MSH3: variants seen among roughly 807,000 people sequenced by gnomAD.
MSH3 encodes DNA mismatch repair protein Msh3.
Under a neutral mutation model 123.3 loss-of-function variants are expected in MSH3, and 106 were observed. The observed-to-expected ratio is 0.86, with a 90% confidence interval of 0.73 to 1.01. The LOEUF (loss-of-function observed/expected upper bound fraction) is 1.01, where lower values mean the gene tolerates loss of function less well. Ranked by LOEUF, MSH3 falls within the 50% of genes least tolerant of loss-of-function variation. The pLI, the probability that MSH3 is intolerant of heterozygous loss-of-function variation, is 0.00. For synonymous variants in MSH3, 515 were observed against 481.4 expected (o/e 1.07, Z -0.91); for missense variants, 1,459 against 1,347.6 (o/e 1.08, Z -1.29).
intron 12 of MSH3, among the ~76,000 whole-genome samples, chr5:80,751,872 A>T (rs1743845820): frequency 6.6e-6 from 1 of 152,160 alleles, no homozygotes. Flanking sequence ...TGGCACACAT[A>T]GACTGATTAT....
intron 20 of MSH3, among the ~76,000 whole-genome samples, chr5:80,824,148 C>A (rs950368876): frequency 5.3e-5 from 8 of 152,228 alleles, no homozygotes; most frequent in Admixed American, 5.2e-4. Flanking sequence ...CCCACATTTC[C>A]CCCTTTTCTA....
At chr5:80,743,066 C>T (rs1038653882) in intron 11 of MSH3, among the ~76,000 whole-genome samples, 2 of 152,076 alleles carry the variant, frequency 1.3e-5, no homozygotes, top group African/African-American at 4.8e-5. Context: ...CACCGCCCCT[C>T]GCCCACCTTT....
Position 80,741,938 on chromosome 5 carries a change from G to A in MSH3, c.1653+390G>A, listed in dbSNP as rs948792027. 2.7e-3 allele frequency among the ~76,000 whole-genome samples: 4 copies of A among 1,474 alleles called. No individual in the cohort carries two copies. In the African/African-American group the frequency reaches 0.027, roughly 10 times the overall value. The allele number at this position is 1,474 out of a possible 152,430, so 1.0% of individuals were successfully genotyped here. A position where few individuals can be genotyped will look rare whatever the true frequency, so the allele number is the denominator to read the frequency against. On this transcript the variant is annotated intron_variant, in intron 11 of 23. Coordinates refer to ENST00000265081, the MANE Select transcript of MSH3 (RefSeq NM_002439.5). Reference sequence around the variant, plus strand: ...GTTTGCAGTCTTATTTAATTATTCAGGTTATAGGTTTCTGGGATATTCAGT... The same window carrying A: ...GTTTGCAGTCTTATTTAATTATTCAAGTTATAGGTTTCTGGGATATTCAGT...
At chr5:80,865,348 AC>A (rs764723236) in intron 22 of MSH3, among the ~76,000 whole-genome samples, 164 of 152,214 alleles carry the variant, frequency 1.1e-3, no homozygotes, top group Non-Finnish European at 1.5e-3. Context: ...CATTTAACTT[AC>A]TAAGGGCCAT....
At chr5:80,788,597 A>T (rs1744555809) in intron 18 of MSH3, among the ~76,000 whole-genome samples, 2 of 152,064 alleles carry the variant, frequency 1.3e-5, no homozygotes, top group Admixed American at 6.6e-5. Flanking sequence ...CATCTCTTGA[A>T]ACCAGGATTT....
intron 20 of MSH3, among the ~76,000 whole-genome samples, chr5:80,842,405 T>A (rs1745642718): frequency 1.3e-5 from 2 of 152,290 alleles, no homozygotes; most frequent in Middle Eastern, 3.4e-3. Flanking sequence ...TTTGGTTCCA[T>A]ATGAAGTTTA....
chr5:80,663,241 G>T (rs903491905), intron 2 of MSH3, among the ~76,000 whole-genome samples: 2 of 152,158 alleles, frequency 1.3e-5, no homozygotes, highest in Admixed American at 1.3e-4. Flanking sequence ...GGAGTAACTG[G>T]CAAGCTCTGA....
intron 20 of MSH3, among the ~76,000 whole-genome samples, chr5:80,825,483 A>G (rs1745277119): frequency 1.3e-5 from 2 of 152,150 alleles, no homozygotes; most frequent in Non-Finnish European, 2.9e-5. Context: ...TTATGAATAT[A>G]TTACTATTCC....
At chr5:80,664,139 A>T (rs1749510527) in intron 2 of MSH3, among the ~76,000 whole-genome samples, 1 of 152,164 alleles carries the variant, frequency 6.6e-6, no homozygotes, top group Non-Finnish European at 1.5e-5. Context: ...CCACAGGGAG[A>T]TGTGATCTTG....
chr5:80,746,458 G>C, intron 12 of MSH3: 1 of 493,570 alleles, frequency 2.0e-6, no homozygotes, highest in Non-Finnish European at 4.1e-6. Flanking sequence ...GATTGTATTG[G>C]CAACAGTCTT....
intron 22 of MSH3, among the ~76,000 whole-genome samples, chr5:80,872,493 A>G (rs893859245): frequency 2.0e-5 from 3 of 151,238 alleles, no homozygotes; most frequent in Non-Finnish European, 4.4e-5. Flanking sequence ...GAGAAATTAT[A>G]TTGTATCAAC....
At chr5:80,660,655 A>T (rs1472299979) in intron 2 of MSH3, among the ~76,000 whole-genome samples, 1 of 152,164 alleles carries the variant, frequency 6.6e-6, no homozygotes, top group Non-Finnish European at 1.5e-5. Flanking sequence ...TAAGACATCA[A>T]AGGTTTTTTA....
chr5:80,741,542 G>GAA lies in MSH3; in HGVS notation c.1648_1649dup (p.Asn550LysfsTer6), dbSNP rs1580597397. 6.2e-6 allele frequency: 10 copies of GAA among 1,608,448 alleles called. No homozygotes were observed. Among genetic ancestry groups the GAA allele is most frequent in the Non-Finnish European group, 8.5e-6 (10 of 1,174,918 alleles). ...CATTAAGGAATCTGGAAATCCTACAGAATCAGGTCAGGCAAATACAAGGGC... is the reference window on the plus strand; with the variant it reads ...CATTAAGGAATCTGGAAATCCTACAGAAAATCAGGTCAGGCAAATACAAGGGC... On this transcript the variant is annotated frameshift_variant, in exon 11 of 24. Transcript: ENST00000265081. LOFTEE classifies it high-confidence loss of function.
intron 10 of MSH3, among the ~76,000 whole-genome samples, chr5:80,733,612 T>TATAA (rs139919820): frequency 6.6e-6 from 1 of 151,770 alleles, no homozygotes; most frequent in African/African-American, 2.4e-5. Flanking sequence ...TATATATATA[T>TATAA]AAACTCTTAC....
chr5:80,814,823 T>C (rs1745073887), intron 20 of MSH3, among the ~76,000 whole-genome samples: 1 of 152,258 alleles, frequency 6.6e-6, no homozygotes, highest in African/African-American at 2.4e-5. Flanking sequence ...GACTAAGTCT[T>C]ACCCTCAATG....
At chr5:80,692,412 AC>A (rs1750306639) in intron 8 of MSH3, among the ~76,000 whole-genome samples, 7 of 38,114 alleles carry the variant, frequency 1.8e-4, no homozygotes, top group Admixed American at 6.0e-4. Flanking sequence ...AGATAGATAA[AC>A]ATGTATATGT....
intron 10 of MSH3, among the ~76,000 whole-genome samples, chr5:80,729,402 A>G (rs1743366154): frequency 7.9e-6 from 1 of 126,904 alleles, no homozygotes; most frequent in Non-Finnish European, 1.6e-5. Context: ...GGCGACAGCG[A>G]GACTCCGTCC....
Position 80,665,296 on chromosome 5 carries a change from A to G in MSH3, c.512A>G (p.Asp171Gly), listed in dbSNP as rs767478058. The G allele has an allele frequency of 5.0e-6, 8 of 1,613,784 alleles. No homozygotes were observed. In the African/African-American group the frequency reaches 6.7e-5, roughly 13 times the overall value. The part of the protein sequence containing the change: ...AVLPKCTDFD[D>G]ISLLHAKNAV... ...CTGCCAAAATGTACTGATTTTGATG[A>G]TATCAGTCTTCTACACGCAAAGAAT... Residue 171 changes from aspartate (D) to glycine (G), a missense_variant, in exon 3 of 24, where the codon GAT becomes GGT. Transcript: ENST00000265081.
intron 20 of MSH3, among the ~76,000 whole-genome samples, chr5:80,842,489 T>G (rs2112092452): frequency 6.6e-6 from 1 of 152,292 alleles, no homozygotes. Flanking sequence ...ATCTATAAAT[T>G]ACCTTGGGCA....
Sources: gnomAD v4.1 joint callset for allele counts (sites outside exome capture counted in the v4.1 genomes callset) on GRCh38, gnomAD v4.1.1 for gene constraint, MANE v1.5 for transcripts, NCBI Gene and HGNC (gene_info 2026-07-23, HGNC 2026-07-21) for gene names.